ERC2: variants seen among roughly 807,000 people sequenced by gnomAD.
The protein encoded by ERC2 is ERC protein 2.
In ERC2, 42 loss-of-function variants were observed where a neutral mutation model predicts 114.8. That is an observed-to-expected ratio of 0.37 (90% CI 0.29 to 0.47). ERC2 has a LOEUF of 0.47. Ranked by LOEUF, ERC2 falls within the 20% of genes least tolerant of loss-of-function variation. The pLI, the probability that ERC2 is intolerant of heterozygous loss-of-function variation, is 0.99. For missense variants in ERC2, 939 were observed against 1,150.7 expected, an observed-to-expected ratio of 0.82 and a Z score of 2.66; for synonymous variants, 454 against 425.5, an observed-to-expected ratio of 1.07 and a Z score of -0.82.
chr3:55,525,484 A>AT (rs1221382765), intron 17 of ERC2, among the ~76,000 whole-genome samples: 1 of 152,208 alleles, frequency 6.6e-6, no homozygotes, highest in African/African-American at 2.4e-5. Flanking sequence ...AACATTCCTC[A>AT]TAGAAGATGA....
At chr3:56,460,964 C>CAAAAAAAAAAAAA (rs35313545) in intron 1 of ERC2, among the ~76,000 whole-genome samples, 1 of 98,162 alleles carries the variant, frequency 1.0e-5, no homozygotes. Flanking sequence ...ACTAAAAATA[C>CAAAAAAAAAAAAA]AAAAAAAAAA....
intron 14 of ERC2, among the ~76,000 whole-genome samples, chr3:55,773,073 G>A (rs765028628): frequency 6.6e-6 from 1 of 152,314 alleles, no homozygotes; most frequent in Non-Finnish European, 1.5e-5. Flanking sequence ...CTGTTAAAAT[G>A]TTACATTGGA....
At chr3:55,874,860 T>C (rs2062750777) in intron 14 of ERC2, among the ~76,000 whole-genome samples, 1 of 152,122 alleles carries the variant, frequency 6.6e-6, no homozygotes, top group Admixed American at 6.5e-5. Flanking sequence ...CTGGGAGCCA[T>C]GAATGGGCAC....
At chr3:56,283,521 T>G (rs1159516399) in intron 3 of ERC2, among the ~76,000 whole-genome samples, 1 of 152,230 alleles carries the variant, frequency 6.6e-6, no homozygotes, top group East Asian at 1.9e-4. Context: ...AGAGTTTGCC[T>G]CTTCTTTGCT....
At position 56,434,441 on chromosome 3, in the gene ERC2, C is replaced by T. The variant is rs1211576036; in HGVS notation, c.567G>A (p.Glu189=). 3.1e-6 allele frequency: 5 copies of T among 1,614,014 alleles called. No individual in the cohort carries two copies. The South Asian group carries it at 3.3e-5, about 11-fold the overall frequency. ...TCCTCAAGACTCTCTCCTTCTTAAG[C>T]TCAGGACTCCAGAAAGTCTTAATAC... ...MNSIKTFWSP[E]LKKERVLRKE... is the part of the protein sequence containing the mutation. The change falls in exon 2 of 18, where the codon GAG becomes GAA. Residue 189 remains glutamate (E), a synonymous_variant. Coordinates refer to ENST00000288221, the MANE Select transcript of ERC2 (RefSeq NM_015576.3).
Position 55,510,840 on chromosome 3 carries a change from T to C in ERC2, c.*476A>G, listed in dbSNP as rs1292636407. ...AATCTAATGCATTAGGAATGACCAA[T>C]TAGAGTGAACCAGCAGGATACTGGA... On this transcript the variant is annotated 3_prime_UTR_variant, in exon 18 of 18. Coordinates refer to ENST00000288221, the MANE Select transcript of ERC2 (RefSeq NM_015576.3). The C allele has an allele frequency of 6.6e-6, 1 of 152,160 alleles. No individual in the cohort carries two copies. The highest frequency in any genetic ancestry group is 2.4e-5 in the African/African-American group (1 of 41,422). 9.4% of individuals were successfully genotyped at this position (152,160 alleles called of 1,614,324 possible).
chr3:56,172,209 A>G lies in ERC2; in HGVS notation c.1149+1237T>C, dbSNP rs569810145. On this transcript the variant is annotated intron_variant, in intron 4 of 17. Coordinates refer to ENST00000288221, the MANE Select transcript of ERC2 (RefSeq NM_015576.3). The stretch of plus-strand genomic sequence containing the variant: ...AACTGATGAGCCAGGGTTAATAATT[A>G]TTGTTTAATCCTATTGGCATTTGGT... Among the ~76,000 whole-genome samples the G allele has an allele frequency of 7.9e-5, 12 of 152,242 alleles. No homozygotes were observed. The South Asian group carries it at 1.4e-3, about 18-fold the overall frequency.
At chr3:55,784,448 G>T (rs555892512) in intron 14 of ERC2, among the ~76,000 whole-genome samples, 1 of 152,300 alleles carries the variant, frequency 6.6e-6, no homozygotes, top group East Asian at 1.9e-4. Flanking sequence ...AAAAAAGGCT[G>T]CCTAGTGAGG....
intron 3 of ERC2, among the ~76,000 whole-genome samples, chr3:56,220,758 G>A (rs1387843182): frequency 6.6e-6 from 1 of 152,312 alleles, no homozygotes; most frequent in South Asian, 2.1e-4. Flanking sequence ...CCAAGGTCAC[G>A]TGCTCAAGGG....
chr3:55,552,557 A>T (rs2107430060), intron 17 of ERC2, among the ~76,000 whole-genome samples: 1 of 152,042 alleles, frequency 6.6e-6, no homozygotes. Flanking sequence ...AATGCACTTT[A>T]TGTGAAAAAG....
At chr3:55,713,705 G>A (rs977470183) in intron 15 of ERC2, among the ~76,000 whole-genome samples, 1 of 152,110 alleles carries the variant, frequency 6.6e-6, no homozygotes, top group Admixed American at 6.5e-5. Flanking sequence ...TGTACATGCT[G>A]GCAGGTCACA....
At chr3:56,305,173 A>G (rs974165280) in intron 2 of ERC2, among the ~76,000 whole-genome samples, 11 of 152,140 alleles carry the variant, frequency 7.2e-5, no homozygotes, top group Non-Finnish European at 1.6e-4. Context: ...AAAGAAGAGT[A>G]GTAAATTTGA....
At chr3:55,944,396 G>A (rs1354891837) in intron 13 of ERC2, among the ~76,000 whole-genome samples, 1 of 152,176 alleles carries the variant, frequency 6.6e-6, no homozygotes, top group Non-Finnish European at 1.5e-5. Context: ...CTTTTCCATA[G>A]AAATATATTG....
intron 3 of ERC2, among the ~76,000 whole-genome samples, chr3:56,182,899 G>A (rs546787904): frequency 1.6e-4 from 25 of 152,090 alleles, no homozygotes; most frequent in Non-Finnish European, 3.2e-4. Context: ...TGAGACCAAT[G>A]TCCATATTAG....
At chr3:55,947,363 C>A (rs1040035017) in intron 13 of ERC2, among the ~76,000 whole-genome samples, 1 of 152,176 alleles carries the variant, frequency 6.6e-6, no homozygotes, top group Non-Finnish European at 1.5e-5. Flanking sequence ...GGGCTTGTCT[C>A]TTTTGATAGA....
intron 3 of ERC2, among the ~76,000 whole-genome samples, chr3:56,290,987 A>G (rs1367109473): frequency 6.6e-6 from 1 of 152,222 alleles, no homozygotes; most frequent in East Asian, 1.9e-4. Context: ...CAGGACATCA[A>G]TAGGATTAGC....
chr3:56,236,477 C>T (rs957885849), intron 3 of ERC2, among the ~76,000 whole-genome samples: 2 of 152,136 alleles, frequency 1.3e-5, no homozygotes. Flanking sequence ...CTTTTCCTTT[C>T]TAAAGGAGAT....
intron 14 of ERC2, among the ~76,000 whole-genome samples, chr3:55,782,960 G>A (rs1187643790): frequency 6.6e-6 from 1 of 152,192 alleles, no homozygotes; most frequent in Admixed American, 6.5e-5. Context: ...ACATTCAACA[G>A]ATGGTAAATA....
At chr3:55,777,045 CCTT>C (rs1259099257) in intron 14 of ERC2, among the ~76,000 whole-genome samples, 3 of 151,760 alleles carry the variant, frequency 2.0e-5, no homozygotes, top group Non-Finnish European at 4.4e-5. Context: ...CTCTCTTTCT[CCTT>C]CTCACCCCAA....
Sources: gnomAD v4.1 joint callset for allele counts (sites outside exome capture counted in the v4.1 genomes callset) on GRCh38, gnomAD v4.1.1 for gene constraint, MANE v1.5 for transcripts, NCBI Gene and HGNC (gene_info 2026-07-23, HGNC 2026-07-21) for gene names.